Variants in OGDHL observed in about 807,000 individuals in gnomAD.
OGDHL encodes 2-oxoglutarate dehydrogenase-like, mitochondrial.
Under a neutral mutation model 109.6 loss-of-function variants are expected in OGDHL, and 79 were observed. That is an observed-to-expected ratio of 0.72 (90% CI 0.60 to 0.87). The LOEUF (loss-of-function observed/expected upper bound fraction) is 0.87. Among genes scored for constraint, OGDHL ranks in the 40% least tolerant of loss-of-function variants. OGDHL has a pLI of 0.00. For synonymous variants in OGDHL, 528 were observed against 537.2 expected (o/e 0.98, Z 0.24); for missense variants, 1,275 against 1,362.2 (o/e 0.94, Z 1.01).
At chr10:49,758,682 G>C in intron 1 of OGDHL, 89 bp from the exon 2 acceptor site, 1 of 1,317,072 alleles carries the variant, frequency 7.6e-7, no homozygotes, top group Non-Finnish European at 1.1e-6. Flanking sequence ...ATCAGCACTT[G>C]TCATTCCCAC....
intron 8 of OGDHL, among the ~76,000 whole-genome samples, chr10:49,749,321 C>T (rs1163669425): frequency 6.6e-5 from 10 of 152,248 alleles, no homozygotes; most frequent in Admixed American, 5.2e-4. Flanking sequence ...TCGATGGGTA[C>T]GGAAAACCAT....
Position 49,745,823 on chromosome 10 carries a change from A to G in OGDHL, c.1451T>C (p.Phe484Ser). 1 of 1,614,182 alleles carries G rather than the reference A, an allele frequency of 6.2e-7. No homozygotes were observed. The highest frequency in any genetic ancestry group is 8.5e-7 in the Non-Finnish European group (1 of 1,180,036). Residue 484 changes from phenylalanine to serine, a missense_variant, in exon 11 of 23, where the codon TTC becomes TCC. Physicochemically the swap from Phe to Ser is radical, Grantham distance 155. Coordinates refer to ENST00000374103, the MANE Select transcript of OGDHL (RefSeq NM_018245.3). The part of the protein sequence containing the change: ...CSVAAEWRNT[F>S]NKDVVVDLVC... ...CAGGTCCACGACAACATCTTTGTTG[A>G]AAGTGTTTCTCCATTCGGCTGCCAC... is the stretch of plus-strand genomic sequence containing the variant.
At chr10:49,737,690 G>T in intron 20 of OGDHL, 96 bp downstream of exon 20, 1 of 1,344,498 alleles carries the variant, frequency 7.4e-7, no homozygotes, top group Non-Finnish European at 1.1e-6. Context: ...AGAGCCACAG[G>T]CAGAGGGGAG....
At chr10:49,753,067 G>C (rs1018334453) in intron 3 of OGDHL, among the ~76,000 whole-genome samples, 1 of 152,144 alleles carries the variant, frequency 6.6e-6, no homozygotes, top group East Asian at 1.9e-4. Context: ...CTGGCGCATG[G>C]ATATGGGCGA....
In OGDHL at chr10:49,735,286, A is replaced by T. The variant is rs777627312; in HGVS notation, c.2975T>A (p.Leu992Gln). Reference sequence around the variant, plus strand: ...GAAGGCAGTATCCAGAAACTTCTTCAGTGACACCAGGTGAGTGTTCCTGTT... The same window carrying T: ...GAAGGCAGTATCCAGAAACTTCTTCTGTGACACCAGGTGAGTGTTCCTGTT... ...TGNRNTHLVS[L>Q]KKFLDTAFNL... is the part of the protein sequence containing the mutation. Residue 992 changes from leucine (L) to glutamine (Q), a missense_variant, in exon 23 of 23, where the codon CTG becomes CAG. By Grantham distance (113) the Leu-to-Gln change is moderately radical (BLOSUM62 -2). Transcript: ENST00000374103. 6.2e-7 allele frequency: 1 copy of T among 1,614,154 alleles called. No homozygotes were observed.
chr10:49,747,709 A>G (rs1045324712), intron 8 of OGDHL, among the ~76,000 whole-genome samples: 4 of 152,202 alleles, frequency 2.6e-5, no homozygotes, highest in Non-Finnish European at 5.9e-5. Flanking sequence ...CAAATTTGCC[A>G]TGGGGGAGCA....
intron 8 of OGDHL, among the ~76,000 whole-genome samples, chr10:49,748,765 C>CACACAA (rs1554820975): frequency 6.6e-6 from 1 of 150,976 alleles, no homozygotes; most frequent in Non-Finnish European, 1.5e-5. Flanking sequence ...CACACACACA[C>CACACAA]ACACACACAC....
chr10:49,748,896 T>C (rs988448320), intron 8 of OGDHL, among the ~76,000 whole-genome samples: 3 of 151,826 alleles, frequency 2.0e-5, no homozygotes, highest in Admixed American at 6.6e-5. Context: ...AAAGGGAAGA[T>C]GGGCAGGACT....
intron 18 of OGDHL, 43 bp downstream of exon 18, chr10:49,738,148 C>A (rs1211607636): frequency 1.2e-6 from 2 of 1,614,122 alleles, no homozygotes; most frequent in South Asian, 1.1e-5. Flanking sequence ...CCTGTGGGCA[C>A]AATAGGGCGC....
In OGDHL at chr10:49,756,696, T is replaced by C. The variant is rs1056627136; in HGVS notation, c.375+80A>G. ...CTCTCTGGGGAGATGATGTTGGAGCTGAGACCCCTTCCCTTCAGTGCCTGG... is the reference window on the plus strand; with the variant it reads ...CTCTCTGGGGAGATGATGTTGGAGCCGAGACCCCTTCCCTTCAGTGCCTGG... On this transcript the variant is annotated intron_variant, in intron 3 of 22. Coordinates refer to ENST00000374103, the MANE Select transcript of OGDHL (RefSeq NM_018245.3). 22 of 1,371,198 alleles carry C rather than the reference T, an allele frequency of 1.6e-5. No individual in the cohort carries two copies. The East Asian group carries it at 4.2e-4, about 26-fold the overall frequency. The allele number at this position is 1,371,198 out of a possible 1,614,324, so 84.9% of individuals were successfully genotyped here. A position where few individuals can be genotyped will look rare whatever the true frequency, so the allele number is the denominator to read the frequency against.
chr10:49,747,282 C>T, intron 8 of OGDHL, 74 bp from the exon 9 acceptor site: 1 of 1,515,576 alleles, frequency 6.6e-7, no homozygotes, highest in Middle Eastern at 1.7e-4. Flanking sequence ...GCAGGCACTG[C>T]AGCCCACAGT....
intron 3 of OGDHL, among the ~76,000 whole-genome samples, chr10:49,754,519 C>T (rs977031939): frequency 1.4e-4 from 22 of 152,152 alleles, no homozygotes; most frequent in African/African-American, 5.1e-4. Flanking sequence ...ACGGAAGTTT[C>T]TCCTGATAGT....
In OGDHL at chr10:49,745,927, G is replaced by C. The variant is rs763553827; in HGVS notation, c.1347C>G (p.Thr449=). Residue 449 remains threonine (T), a synonymous_variant, in exon 11 of 23, where the codon ACC becomes ACG. Transcript: ENST00000374103. Reference sequence around the variant, plus strand: ...GCGCATTGACCACCCGGGCCACGTCGGTCGGGTATGGTGAGGAGCGGGCCA... The same window carrying C: ...GCGCATTGACCACCCGGGCCACGTCCGTCGGGTATGGTGAGGAGCGGGCCA... ...PRMARSSPYP[T]DVARVVNAPI... is the part of the protein sequence containing the mutation. The C allele has an allele frequency of 1.2e-6, 2 of 1,614,214 alleles. 1 individual carries two copies. Among genetic ancestry groups the C allele is most frequent in the Middle Eastern group, 3.3e-4 (2 of 6,062 alleles).
chr10:49,746,967 C>T (rs1842234753), intron 9 of OGDHL, 62 bp downstream of exon 9: 2 of 1,607,728 alleles, frequency 1.2e-6, no homozygotes, highest in Non-Finnish European at 1.7e-6. Flanking sequence ...CAGGGTCCAG[C>T]CCAGCCCTCT....
intron 15 of OGDHL, among the ~76,000 whole-genome samples, chr10:49,742,100 C>T (rs1841743950): frequency 3.5e-5 from 3 of 85,456 alleles, no homozygotes; most frequent in Non-Finnish European, 6.9e-5. Context: ...CACAAACACC[C>T]TCACACACAT....
In OGDHL at chr10:49,739,771, A is replaced by G; in HGVS notation, c.2209T>C (p.Phe737Leu). Residue 737 changes from phenylalanine (F) to leucine (L), a missense_variant, in exon 17 of 23, where the codon TTC (phenylalanine) becomes CTC (leucine). Phe to Leu is a conservative substitution (Grantham distance 22). Coordinates refer to ENST00000374103, the MANE Select transcript of OGDHL (RefSeq NM_018245.3). Reference protein sequence around the residue: ...LVLWEAQFGDFHNTAQCIIDQ... With the variant: ...LVLWEAQFGDLHNTAQCIIDQ... Reference sequence around the variant, plus strand: ...ATGATGCACTGGGCCGTGTTGTGGAAGTCCCCAAACTGGGCCTCCCAGAGG... The same window carrying G: ...ATGATGCACTGGGCCGTGTTGTGGAGGTCCCCAAACTGGGCCTCCCAGAGG... The G allele has an allele frequency of 6.2e-7, 1 of 1,614,144 alleles. No homozygotes were observed. Among genetic ancestry groups the G allele is most frequent in the Non-Finnish European group, 8.5e-7 (1 of 1,179,986 alleles).
chr10:49,758,015 C>T (rs1043298258), intron 2 of OGDHL, among the ~76,000 whole-genome samples: 1 of 152,232 alleles, frequency 6.6e-6, no homozygotes, highest in Non-Finnish European at 1.5e-5. Flanking sequence ...TTTTCACCCT[C>T]CCATCTAATT....
chr10:49,741,471 C>T (rs1184685024), intron 15 of OGDHL, among the ~76,000 whole-genome samples: 1 of 152,070 alleles, frequency 6.6e-6, no homozygotes, highest in African/African-American at 2.4e-5. Flanking sequence ...GGAAGCCACA[C>T]CACCCTGGCT....
chr10:49,748,974 C>T (rs1347843204), intron 8 of OGDHL, among the ~76,000 whole-genome samples: 4 of 152,034 alleles, frequency 2.6e-5, no homozygotes, highest in South Asian at 4.2e-4. Flanking sequence ...TTTGGGAGGC[C>T]GAGGCAGGCA....
Sources: allele counts gnomAD v4.1 joint callset (sites outside exome capture counted in the v4.1 genomes callset), GRCh38; gene constraint gnomAD v4.1.1; transcripts MANE v1.5; gene names NCBI Gene and HGNC (gene_info 2026-07-23, HGNC 2026-07-21).